Variants in RAMP1 observed in about 807,000 individuals in gnomAD.
RAMP1 encodes receptor activity-modifying protein 1.
In RAMP1, 7 loss-of-function variants were observed where a neutral mutation model predicts 8.2. The observed-to-expected ratio is 0.85, with a 90% CI of 0.49 to 1.60. RAMP1 has a LOEUF of 1.60. Ranked by LOEUF, RAMP1 falls within the 40% of genes most tolerant of loss-of-function variation. The pLI is 0.00. For missense variants in RAMP1, 192 were observed against 202.4 expected (o/e 0.95, Z 0.31); for synonymous variants, 92 against 84.7 (o/e 1.09, Z -0.47).
chr2:237,881,192 T>G (rs1013756442), intron 2 of RAMP1, among the ~76,000 whole-genome samples: 4 of 152,240 alleles, frequency 2.6e-5, no homozygotes, highest in African/African-American at 9.6e-5. Flanking sequence ...TTGGTTTTTC[T>G]TCACTTAACA....
intron 2 of RAMP1, among the ~76,000 whole-genome samples, chr2:237,879,430 C>T (rs1035537555): frequency 1.3e-5 from 2 of 151,564 alleles, no homozygotes; most frequent in Non-Finnish European, 2.9e-5. Context: ...TCCTCGGAGC[C>T]GAGTGGCCAT....
rs1576531939 is a variant in RAMP1 at position 237,865,456 on chromosome 2, G to T, written c.52+5729G>T. Among the ~76,000 whole-genome samples the T allele has an allele frequency of 6.6e-6, 1 of 152,114 alleles. No individual in the cohort carries two copies. Among genetic ancestry groups the T allele is most frequent in the South Asian group, 2.1e-4 (1 of 4,812 alleles). Reference sequence around the variant, plus strand: ...AACTGGAATTTCAGATAAACAAGAAGCATAAGCCTGTCTCATACAGTATCG... The same window carrying T: ...AACTGGAATTTCAGATAAACAAGAATCATAAGCCTGTCTCATACAGTATCG... On this transcript the variant is annotated intron_variant, in intron 1 of 2. Transcript: ENST00000254661. This position sits in a 1 kb window ranked among gnomAD's most constrained non-coding sequence, Gnocchi z 4.2.
chr2:237,885,820 A>C (rs2062424242), intron 2 of RAMP1, among the ~76,000 whole-genome samples: 1 of 152,146 alleles, frequency 6.6e-6, no homozygotes, highest in Non-Finnish European at 1.5e-5. Context: ...CCTGGGTGGG[A>C]GAATCTTTCC....
At chr2:237,872,151 G>C (rs556875653) in intron 1 of RAMP1, among the ~76,000 whole-genome samples, 1 of 152,302 alleles carries the variant, frequency 6.6e-6, no homozygotes, top group East Asian at 1.9e-4. Flanking sequence ...AGTATGGATC[G>C]AGCCTGCGCT....
intron 1 of RAMP1, among the ~76,000 whole-genome samples, chr2:237,864,045 C>A (rs2062158756): frequency 6.6e-6 from 1 of 152,130 alleles, no homozygotes; most frequent in South Asian, 2.1e-4. Context: ...CACCCCCACA[C>A]ATGCCATGTT....
Position 237,911,606 on chromosome 2 carries a change from C to T in RAMP1, c.270C>T (p.Asp90=). The T allele has an allele frequency of 1.2e-6, 2 of 1,614,168 alleles. No homozygotes were observed. The highest frequency in any genetic ancestry group is 1.7e-6 in the Non-Finnish European group (2 of 1,180,024). Residue 90 remains aspartate (D), a synonymous_variant, in exon 3 of 3, where the codon GAC becomes GAT. Transcript: ENST00000254661. ...GCTTCTGGCCCAATGCAGAGGTGGA[C>T]AGGTTCTTCCTGGCAGTGCATGGCC... ...LGCFWPNAEV[D]RFFLAVHGRY...
chr2:237,859,343 G>A (rs1238721519), upstream of RAMP1, among the ~76,000 whole-genome samples: 1 of 152,222 alleles, frequency 6.6e-6, no homozygotes, highest in Non-Finnish European at 1.5e-5. Flanking sequence ...CCCTCACGCT[G>A]AGTCGTCTAG....
At position 237,859,701 on chromosome 2, in the gene RAMP1, C is replaced by T. The variant is rs1261233358; in HGVS notation, c.26C>T (p.Pro9Leu). ...ATGGCCCGGGCCCTGTGCCGCCTCC[C>T]GCGGCGCGGCCTCTGGCTGCTCCTG... Reference protein sequence around the residue: MARALCRLPRRGLWLLLAH... With the variant: MARALCRLLRRGLWLLLAH... Residue 9 changes from proline to leucine, a missense_variant, in exon 1 of 3, where the codon CCG becomes CTG. By Grantham distance (98) the Pro-to-Leu change is moderately conservative. Coordinates refer to ENST00000254661, the MANE Select transcript of RAMP1 (RefSeq NM_005855.4). The T allele has an allele frequency of 4.0e-6, 6 of 1,512,650 alleles. No homozygotes were observed. Among genetic ancestry groups the T allele is most frequent in the African/African-American group, 1.4e-5 (1 of 69,164 alleles). The allele number at this position is 1,512,650 out of a possible 1,614,324, so 93.7% of individuals were successfully genotyped here. A position where few individuals can be genotyped will look rare whatever the true frequency, so the allele number is the denominator to read the frequency against.
chr2:237,895,019 T>TTAGCAGGCAC (rs2062525170), intron 2 of RAMP1, among the ~76,000 whole-genome samples: 1 of 152,142 alleles, frequency 6.6e-6, no homozygotes, highest in East Asian at 1.9e-4. Context: ...TGCTGAGCAC[T>TTAGCAGGCAC]TAGCAGGCAC....
At chr2:237,906,815 C>T (rs771534225) in intron 2 of RAMP1, among the ~76,000 whole-genome samples, 12 of 151,456 alleles carry the variant, frequency 7.9e-5, no homozygotes, top group Middle Eastern at 3.4e-3. Flanking sequence ...CTCCGCCTCC[C>T]AGGTTCAAGT....
chr2:237,867,788 G>C (rs3769037), intron 1 of RAMP1, among the ~76,000 whole-genome samples: 7,142 of 152,240 alleles, frequency 0.047, 486 homozygotes, highest in East Asian at 0.23. Context: ...CTTCCTGAGT[G>C]AGCTTGCTCT....
At chr2:237,864,121 G>A (rs759488906) in intron 1 of RAMP1, among the ~76,000 whole-genome samples, 4 of 152,128 alleles carry the variant, frequency 2.6e-5, no homozygotes, top group Non-Finnish European at 4.4e-5. Flanking sequence ...GGGAAACCAC[G>A]GGGGCAGGAG....
In RAMP1 at chr2:237,859,786, A is replaced by G. The variant is rs1198594474; in HGVS notation, c.52+59A>G. 1.2e-5 allele frequency: 11 copies of G among 896,816 alleles called. No homozygotes were observed. In the South Asian group the frequency reaches 1.7e-4, roughly 14 times the overall value. The allele number at this position is 896,816 out of a possible 1,614,324, so 55.6% of individuals were successfully genotyped here. A position where few individuals can be genotyped will look rare whatever the true frequency, so the allele number is the denominator to read the frequency against. Reference sequence around the variant, plus strand: ...TTCCCCTGGCCAGCCGGTGTCCTCTAGGGGAGAGGAGGGGAGCGGGTGGGA... The same window carrying G: ...TTCCCCTGGCCAGCCGGTGTCCTCTGGGGGAGAGGAGGGGAGCGGGTGGGA... On this transcript the variant is annotated intron_variant, in intron 1 of 2. Coordinates refer to ENST00000254661, the MANE Select transcript of RAMP1 (RefSeq NM_005855.4).
In RAMP1 at chr2:237,877,880, C is replaced by A. The variant is rs1331395688; in HGVS notation, c.191+518C>A. On this transcript the variant is annotated intron_variant, in intron 2 of 2. Transcript: ENST00000254661. This position sits in a 1 kb window ranked among gnomAD's most constrained non-coding sequence, Gnocchi z 4.4. ...TCAGCCGAACCCTTCCCCACCTGGC[C>A]CGATCCTCCTGCCCAAGGGCCCTTC... 3.4e-6 allele frequency: 3 copies of A among 887,980 alleles called. No homozygotes were observed. Among genetic ancestry groups the A allele is most frequent in the Non-Finnish European group, 4.0e-6 (3 of 741,308 alleles). 55.0% of individuals were successfully genotyped at this position (887,980 alleles called of 1,614,324 possible). A position where few individuals can be genotyped will look rare whatever the true frequency, so the allele number is the denominator to read the frequency against.
rs370803791 is a variant in RAMP1, at chr2:237,899,351, G to A, written c.192-12177G>A. Among the ~76,000 whole-genome samples the A allele has an allele frequency of 9.2e-5, 14 of 152,316 alleles. No individual in the cohort carries two copies. The South Asian group carries it at 2.3e-3, about 25-fold the overall frequency. On this transcript the variant is annotated intron_variant, in intron 2 of 2. Transcript: ENST00000254661. ...CTCCCAAAGTGCTGAGATTACAGGC[G>A]TGAGCCACTGCACCTGGCCGAGAGA...
intron 1 of RAMP1, among the ~76,000 whole-genome samples, chr2:237,869,033 G>C (rs987247781): frequency 6.6e-6 from 1 of 152,002 alleles, no homozygotes; most frequent in African/African-American, 2.4e-5. Context: ...TATCCATCCC[G>C]GTCATCATAT....
At chr2:237,891,013 T>C (rs2062482209) in intron 2 of RAMP1, among the ~76,000 whole-genome samples, 1 of 152,222 alleles carries the variant, frequency 6.6e-6, no homozygotes, top group Non-Finnish European at 1.5e-5. Context: ...TAAGATATGA[T>C]TTCAATCCTT....
intron 2 of RAMP1, among the ~76,000 whole-genome samples, chr2:237,897,232 A>C (rs929711750): frequency 9.2e-5 from 14 of 152,312 alleles, no homozygotes; most frequent in African/African-American, 3.4e-4. Context: ...AAAGAGGGAG[A>C]CTGAAAGAGC....
Position 237,862,822 on chromosome 2 carries a change from G to A in RAMP1, c.52+3095G>A, listed in dbSNP as rs193030933. ...GATGGTCCCAGGGAGGAGACTGGCC[G>A]CAGGCTGGACAGTCAGTGTTCTGCT... is the stretch of plus-strand genomic sequence containing the variant. On this transcript the variant is annotated intron_variant, in intron 1 of 2. Transcript: ENST00000254661. This position sits in a 1 kb window ranked among gnomAD's most constrained non-coding sequence, Gnocchi z 4.0. Among the ~76,000 whole-genome samples the A allele has an allele frequency of 5.2e-4, 79 of 152,216 alleles. 1 individual carries two copies. In the South Asian group the frequency reaches 0.014, roughly 27 times the overall value.
Sources: gnomAD v4.1 joint callset for allele counts (sites outside exome capture counted in the v4.1 genomes callset) on GRCh38, gnomAD v4.1.1 for gene constraint, Gnocchi (gnomAD v3.1) non-coding constraint, MANE v1.5 for transcripts, NCBI Gene and HGNC (gene_info 2026-07-23, HGNC 2026-07-21) for gene names.